LRP12: variants seen among roughly 807,000 people sequenced by gnomAD.
LRP12 encodes the protein low-density lipoprotein receptor-related protein 12.
A neutral mutation model predicts 66.0 loss-of-function variants in LRP12; 14 were observed. That is an observed-to-expected ratio of 0.21 (90% confidence interval 0.14 to 0.33). The LOEUF is 0.33. Ranked by LOEUF, LRP12 falls within the 10% of genes least tolerant of loss-of-function variation. The pLI is 1.00. For missense variants in LRP12, 889 were observed against 1,053.4 expected, an observed-to-expected ratio of 0.84 and a Z score of 2.16; for synonymous variants, 357 against 359.1, an observed-to-expected ratio of 0.99 and a Z score of 0.07.
In LRP12 at chr8:104,490,280, T is replaced by C. The variant is rs372128097; in HGVS notation, c.*393A>G. ...CTAGTATATTAAGTTACAAGATGTG[T>C]TGGCAAAAGCATAAACGTTTCAATT... On this transcript the variant is annotated 3_prime_UTR_variant, in exon 7 of 7. Transcript: ENST00000276654. The C allele has an allele frequency of 3.1e-5, 5 of 159,972 alleles. No homozygotes were observed. The East Asian group carries it at 7.5e-4, about 24-fold the overall frequency. The allele number at this position is 159,972 out of a possible 1,614,324, so 9.9% of individuals were successfully genotyped here.
chr8:104,505,398 C>T (rs1810892176), intron 3 of LRP12: 2 of 139,162 alleles, frequency 1.4e-5, no homozygotes, highest in African/African-American at 5.6e-5. Flanking sequence ...TTCCTTCTTT[C>T]CTTTTTTTTT....
intron 6 of LRP12, among the ~76,000 whole-genome samples, chr8:104,492,903 G>A (rs1810660363): frequency 6.6e-6 from 1 of 151,830 alleles, no homozygotes; most frequent in African/African-American, 2.4e-5. Flanking sequence ...CTTCTCCACA[G>A]ATCTGCTCCT....
chr8:104,573,349 C>G, intron 1 of LRP12, among the ~76,000 whole-genome samples: 1 of 152,136 alleles, frequency 6.6e-6, no homozygotes, highest in Non-Finnish European at 1.5e-5. Flanking sequence ...AGTCCTACCC[C>G]CTGACTTGAG....
At chr8:104,503,603 A>G (rs1810864293) in intron 3 of LRP12, among the ~76,000 whole-genome samples, 1 of 152,050 alleles carries the variant, frequency 6.6e-6, no homozygotes, top group South Asian at 2.1e-4. Context: ...TGGTTTAATC[A>G]GTGTTTCTTA....
intron 2 of LRP12, among the ~76,000 whole-genome samples, chr8:104,523,094 A>G (rs538367873): frequency 5.6e-4 from 85 of 152,164 alleles, no homozygotes; most frequent in Non-Finnish European, 1.0e-3. Flanking sequence ...CTTAGAAATA[A>G]AAAAGGCTAG....
chr8:104,589,000 A>G lies in LRP12; in HGVS notation c.-103T>C, dbSNP rs180979671. 2.2e-4 allele frequency: 108 copies of G among 484,668 alleles called. No individual in the cohort carries two copies. In the African/African-American group the frequency reaches 2.4e-3, roughly 11 times the overall value. The allele number at this position is 484,668 out of a possible 1,614,324, so 30.0% of individuals were successfully genotyped here. A position where few individuals can be genotyped will look rare whatever the true frequency, so the allele number is the denominator to read the frequency against. On this transcript the variant is annotated 5_prime_UTR_variant, in exon 1 of 7. Transcript: ENST00000276654. ...GCCGCCGCCGCCGCCGCCGCCGCCG[A>G]GCCACCGGCTGCTCCCTGCGCTCTC...
intron 2 of LRP12, among the ~76,000 whole-genome samples, chr8:104,514,304 T>A (rs1483606820): frequency 1.3e-5 from 2 of 152,172 alleles, no homozygotes; most frequent in Non-Finnish European, 2.9e-5. Context: ...CAGTACCTAC[T>A]ATAACCTGTA....
chr8:104,560,514 G>A lies in LRP12; in HGVS notation c.79+28305C>T, dbSNP rs547513867. On this transcript the variant is annotated intron_variant, in intron 1 of 6. Coordinates refer to ENST00000276654, the MANE Select transcript of LRP12 (RefSeq NM_013437.5). Reference sequence around the variant, plus strand: ...ACTAAAACCTACCATAGATAGTAATGATGGCATGATGATACAGTATAAAGT... The same window carrying A: ...ACTAAAACCTACCATAGATAGTAATAATGGCATGATGATACAGTATAAAGT... Among the ~76,000 whole-genome samples, 19 of 152,300 alleles carry A rather than the reference G, an allele frequency of 1.2e-4. No individual in the cohort carries two copies. In the South Asian group the frequency reaches 3.9e-3, roughly 32 times the overall value.
intron 1 of LRP12, among the ~76,000 whole-genome samples, chr8:104,550,904 TC>T (rs1811715669): frequency 6.6e-6 from 1 of 152,200 alleles, no homozygotes; most frequent in Non-Finnish European, 1.5e-5. Flanking sequence ...TCATGAATCC[TC>T]TATCATTCTT....
At position 104,497,806 on chromosome 8, in the gene LRP12, C is replaced by T; in HGVS notation, c.746G>A (p.Gly249Glu). 6.2e-7 allele frequency: 1 copy of T among 1,614,160 alleles called. No individual in the cohort carries two copies. ...CDGNIDCLDL[G>E]DEIDCDVPTC... ...TGGCACATCACAGTCTATCTCATCT[C>T]CTAGGTCAAGGCAGTCAATGTTCCC... The change falls in exon 5 of 7, where the codon GGA (glycine) becomes GAA (glutamate). Residue 249 changes from glycine to glutamate, a missense_variant. Gly to Glu is a moderately conservative substitution (Grantham distance 98, BLOSUM62 -2). Transcript: ENST00000276654. The surrounding 1 kb of genome is among the most constrained non-coding windows in gnomAD (Gnocchi z 4.3).
At chr8:104,500,656 C>G (rs1342135054) in intron 3 of LRP12, among the ~76,000 whole-genome samples, 4 of 152,158 alleles carry the variant, frequency 2.6e-5, no homozygotes, top group African/African-American at 7.2e-5. Context: ...TAAGCCGAGA[C>G]TGTGCCACTG....
intron 1 of LRP12, among the ~76,000 whole-genome samples, chr8:104,535,344 C>A (rs1051769404): frequency 6.6e-6 from 1 of 151,900 alleles, no homozygotes. Flanking sequence ...GAGTCAGACT[C>A]CTGTAATAAA....
chr8:104,516,962 G>A (rs772009188), intron 2 of LRP12, among the ~76,000 whole-genome samples: 18 of 151,828 alleles, frequency 1.2e-4, no homozygotes, highest in Non-Finnish European at 1.3e-4. Context: ...ACAAAAAGTA[G>A]TTGAGACTAA....
At chr8:104,547,539 A>G (rs929632987) in intron 1 of LRP12, among the ~76,000 whole-genome samples, 17 of 128,344 alleles carry the variant, frequency 1.3e-4, no homozygotes, top group East Asian at 1.3e-3. Flanking sequence ...TATTTTGTAT[A>G]TAATATATAA....
chr8:104,557,760 GAAA>G (rs1564144676), intron 1 of LRP12, among the ~76,000 whole-genome samples: 2 of 151,980 alleles, frequency 1.3e-5, no homozygotes, highest in African/African-American at 4.8e-5. Flanking sequence ...CACAGAACTA[GAAA>G]AAATAATCCT....
At chr8:104,565,643 G>T (rs1811986204) in intron 1 of LRP12, among the ~76,000 whole-genome samples, 1 of 151,958 alleles carries the variant, frequency 6.6e-6, no homozygotes, top group South Asian at 2.1e-4. Context: ...GTGGATCAAC[G>T]AGGTCAGGAG....
intron 1 of LRP12, among the ~76,000 whole-genome samples, chr8:104,548,126 AATAT>A (rs1457155104): frequency 2.9e-5 from 3 of 103,078 alleles, no homozygotes; most frequent in African/African-American, 4.5e-5. Context: ...TTTTGTATAT[AATAT>A]ATAATTATAA....
intron 1 of LRP12, among the ~76,000 whole-genome samples, chr8:104,561,251 C>T (rs1811902596): frequency 6.6e-6 from 1 of 152,150 alleles, no homozygotes; most frequent in African/African-American, 2.4e-5. Context: ...GACACAGGCT[C>T]AACATTTTTG....
At chr8:104,562,567 T>C (rs528151377) in intron 1 of LRP12, among the ~76,000 whole-genome samples, 15 of 152,306 alleles carry the variant, frequency 9.8e-5, no homozygotes, top group African/African-American at 3.6e-4. Flanking sequence ...TCACATTTTA[T>C]TTTTATGTCT....
Sources: allele counts gnomAD v4.1 joint callset (sites outside exome capture counted in the v4.1 genomes callset), GRCh38; gene constraint gnomAD v4.1.1; non-coding constraint Gnocchi (gnomAD v3.1); transcripts MANE v1.5; gene names NCBI Gene and HGNC (gene_info 2026-07-23, HGNC 2026-07-21).